LDHAL6A: variants seen among roughly 807,000 people sequenced by gnomAD.
LDHAL6A encodes L-lactate dehydrogenase A-like 6A.
Under a neutral mutation model 28.2 loss-of-function variants are expected in LDHAL6A, and 19 were observed. That is an observed-to-expected ratio of 0.67 (90% CI 0.47 to 0.99). The LOEUF (loss-of-function observed/expected upper bound fraction) is 0.99. LDHAL6A is among the 50% of genes least tolerant of loss of function. The pLI, the probability that LDHAL6A is intolerant of heterozygous loss-of-function variation, is 0.00. For synonymous variants in LDHAL6A, 144 were observed against 134.4 expected (o/e 1.07, Z -0.49); for missense variants, 372 against 398.6 (o/e 0.93, Z 0.57).
intron 4 of LDHAL6A, 126 bp from the exon 5 acceptor site, chr11:18,476,258 G>A: frequency 9.9e-7 from 1 of 1,012,446 alleles, no homozygotes. Flanking sequence ...CTGGAGTGGG[G>A]CTCAGATATC....
chr11:18,470,967 G>T (rs765780837), intron 3 of LDHAL6A, among the ~76,000 whole-genome samples: 2 of 152,116 alleles, frequency 1.3e-5, no homozygotes, highest in Non-Finnish European at 2.9e-5. Context: ...GATTACAGGC[G>T]TGAGCCACAG....
In LDHAL6A at chr11:18,479,023, CT is replaced by C. The variant is rs1298505715; in HGVS notation, c.*159del. 1.0e-5 allele frequency: 6 copies of C among 578,124 alleles called. No homozygotes were observed. In the East Asian group the frequency reaches 2.0e-4, roughly 20 times the overall value. 35.8% of individuals were successfully genotyped at this position (578,124 alleles called of 1,614,324 possible). ...ATAGCCTTCCAGCTTTTTTTTTTTT[CT>C]TTTTTGGGAGGGTCTCATTCTGTCA... On this transcript the variant is annotated 3_prime_UTR_variant, in exon 7 of 7. Transcript: ENST00000280706.
chr11:18,461,298 A>T (rs12799689), intron 1 of LDHAL6A, among the ~76,000 whole-genome samples: 74,459 of 150,710 alleles, frequency 0.49, 20,302 homozygotes, highest in African/African-American at 0.74. Context: ...GTGCATGCCA[A>T]CACGCCCGGC....
At position 18,464,981 on chromosome 11, in the gene LDHAL6A, T is replaced by TG. The variant is rs916179078; in HGVS notation, c.245-656_245-655insG. 6.2e-4 allele frequency among the ~76,000 whole-genome samples: 78 copies of TG among 125,568 alleles called. 6 individuals are homozygous for TG. Among genetic ancestry groups the TG allele is most frequent in the Admixed American group, 1.6e-3 (21 of 13,182 alleles). The allele number at this position is 125,568 out of a possible 152,430, so 82.4% of individuals were successfully genotyped here. A position where few individuals can be genotyped will look rare whatever the true frequency, so the allele number is the denominator to read the frequency against. On this transcript the variant is annotated intron_variant, in intron 2 of 6. Coordinates refer to ENST00000280706, the MANE Select transcript of LDHAL6A (RefSeq NM_144972.5). ...AGGAGGTGAGGTGTTTTTTTTGTTT[T>TG]TTTTTGTTTTGTTTTGTTTTGGTTT... is the stretch of plus-strand genomic sequence containing the variant.
At chr11:18,461,248 G>A (rs1848893305) in intron 1 of LDHAL6A, among the ~76,000 whole-genome samples, 2 of 151,844 alleles carry the variant, frequency 1.3e-5, no homozygotes, top group Non-Finnish European at 2.9e-5. Flanking sequence ...GGGTTCAAGC[G>A]ATTCATCTGC....
Position 18,465,695 on chromosome 11 carries a change from A to T in LDHAL6A, c.303A>T (p.Lys101Asn), listed in dbSNP as rs757137093. ...TTATCACAGCAGGTGCACGCCAGAA[A>T]AAAGGAGAAACACGCCTTGATTTAG... ...LVIITAGARQ[K>N]KGETRLDLVQ... Residue 101 changes from lysine (K) to asparagine (N), a missense_variant, in exon 3 of 7, where the codon AAA becomes AAT. Around this residue, in one of 3 missense-constraint regions of LDHAL6A, gnomAD observed 291 missense variants for 302.9 expected, o/e 0.96. Coordinates refer to ENST00000280706, the MANE Select transcript of LDHAL6A (RefSeq NM_144972.5). 9.3e-6 allele frequency: 15 copies of T among 1,614,124 alleles called. No homozygotes were observed. The highest frequency in any genetic ancestry group is 1.3e-5 in the Non-Finnish European group (15 of 1,179,954).
At position 18,456,774 on chromosome 11, in the gene LDHAL6A, G is replaced by T; in HGVS notation, c.94G>T (p.Gly32Cys). The T allele has an allele frequency of 6.2e-7, 1 of 1,613,760 alleles. No homozygotes were observed. The highest frequency in any genetic ancestry group is 8.5e-7 in the Non-Finnish European group (1 of 1,179,916). Residue 32 changes from glycine (G) to cysteine (C), a missense_variant, in exon 1 of 7, where the codon GGT becomes TGT. Physicochemically the swap from Gly to Cys is radical, Grantham distance 159. Coordinates refer to ENST00000280706, the MANE Select transcript of LDHAL6A (RefSeq NM_144972.5). ...KISIVGTGSV[G>C]VACAISILLK... ...CTCCATTGTAGGAACTGGATCGGTT[G>T]GTGTGGCTTGTGCTATCAGCATCTT...
Position 18,477,691 on chromosome 11 carries a change from A to G in LDHAL6A, c.782A>G (p.Glu261Gly), listed in dbSNP as rs946406819. 1.9e-6 allele frequency: 3 copies of G among 1,613,390 alleles called. No homozygotes were observed. The highest frequency in any genetic ancestry group is 2.5e-6 in the Non-Finnish European group (3 of 1,179,750). The change falls in exon 6 of 7, where the codon GAA becomes GGA. Residue 261 changes from glutamate (E) to glycine (G), a missense_variant. Physicochemically the swap from Glu to Gly is moderately conservative, Grantham distance 98. Transcript: ENST00000280706. ...GISLSVADLT[E>G]SILKNLRRVH... is the part of the protein sequence containing the mutation. ...AGCCTATCTGTAGCTGATTTAACAG[A>G]AAGTATTTTGAAGAATCTTAGGAGA...
chr11:18,455,992 C>G lies in LDHAL6A; in HGVS notation c.-689C>G, dbSNP rs938090526. On this transcript the variant is annotated 5_prime_UTR_variant, in exon 1 of 7. Transcript: ENST00000280706. ...GCGCAGCTGCAGTAAGGGGGCGACC[C>G]GGCGTCTGTTAGTCGGCGGTTCATC... 3.9e-5 allele frequency: 6 copies of G among 152,520 alleles called. No homozygotes were observed. The highest frequency in any genetic ancestry group is 8.8e-5 in the Non-Finnish European group (6 of 68,262). The allele number at this position is 152,520 out of a possible 1,614,324, so 9.4% of individuals were successfully genotyped here. A position where few individuals can be genotyped will look rare whatever the true frequency, so the allele number is the denominator to read the frequency against.
At chr11:18,460,078 T>C (rs1848859246) in intron 1 of LDHAL6A, among the ~76,000 whole-genome samples, 1 of 152,216 alleles carries the variant, frequency 6.6e-6, no homozygotes, top group Admixed American at 6.5e-5. Context: ...TGATCAGTTG[T>C]ACAGTCTAGT....
intron 1 of LDHAL6A, among the ~76,000 whole-genome samples, chr11:18,457,894 A>G (rs1311131335): frequency 6.6e-6 from 1 of 152,182 alleles, no homozygotes; most frequent in African/African-American, 2.4e-5. Context: ...ATTATCCAAT[A>G]TTACAACCCT....
intron 3 of LDHAL6A, chr11:18,468,273 T>C (rs1473581401): frequency 6.6e-6 from 1 of 151,364 alleles, no homozygotes; most frequent in Non-Finnish European, 1.5e-5. Flanking sequence ...TATGATGTGT[T>C]GAAGTGTGAA....
intron 5 of LDHAL6A, 97 bp from the exon 6 acceptor site, chr11:18,477,523 A>G: frequency 2.1e-6 from 2 of 943,044 alleles, no homozygotes; most frequent in South Asian, 1.9e-5. Flanking sequence ...TGATGGAGTC[A>G]CTGCAGTTTT....
At chr11:18,478,656 A>G in intron 6 of LDHAL6A, 50 bp from the exon 7 acceptor site, 1 of 1,425,592 alleles carries the variant, frequency 7.0e-7, no homozygotes, top group Non-Finnish European at 9.8e-7. Context: ...TGTTTCTCAT[A>G]TTGCAGAACT....
At chr11:18,470,153 G>T (rs1849223349) in intron 3 of LDHAL6A, among the ~76,000 whole-genome samples, 2 of 152,166 alleles carry the variant, frequency 1.3e-5, no homozygotes, top group South Asian at 4.1e-4. Context: ...TTGAACTCCT[G>T]GCATCAAATG....
intron 1 of LDHAL6A, among the ~76,000 whole-genome samples, chr11:18,460,924 G>A (rs1848885486): frequency 6.6e-6 from 1 of 151,950 alleles, no homozygotes; most frequent in Admixed American, 6.6e-5. Context: ...AGCAACCTCC[G>A]CCTCCCGGGT....
At chr11:18,473,585 C>T (rs990616683) in intron 3 of LDHAL6A, among the ~76,000 whole-genome samples, 6 of 152,106 alleles carry the variant, frequency 3.9e-5, no homozygotes, top group African/African-American at 1.4e-4. Flanking sequence ...TTTGTAGAGA[C>T]GCGGTCTTGT....
chr11:18,456,793 G>T lies in LDHAL6A; in HGVS notation c.113G>T (p.Ser38Ile). ...TCGGTTGGTGTGGCTTGTGCTATCA[G>T]CATCTTATTAAAAGTAAGTTGTGTG... ...TGSVGVACAI[S>I]ILLKGLSDEL... The change falls in exon 1 of 7, where the codon AGC becomes ATC. Residue 38 changes from serine (S) to isoleucine (I), a missense_variant. Ser to Ile is a moderately radical substitution (Grantham distance 142). Transcript: ENST00000280706. 5 of 1,612,278 alleles carry T rather than the reference G, an allele frequency of 3.1e-6. No individual in the cohort carries two copies. Among genetic ancestry groups the T allele is most frequent in the Non-Finnish European group, 4.2e-6 (5 of 1,179,600 alleles).
In LDHAL6A at chr11:18,466,935, A is replaced by T. The variant is rs181615166; in HGVS notation, c.418+1125A>T. On this transcript the variant is annotated intron_variant, in intron 3 of 6. Transcript: ENST00000280706. ...AAGGGAGGAATAAAAAATAACTTCG[A>T]GAGTTTTTCCTTTGAGTAACTGAAG... Among the ~76,000 whole-genome samples the T allele has an allele frequency of 9.6e-4, 146 of 152,320 alleles. 1 individual carries two copies. Among genetic ancestry groups the T allele is most frequent in the Middle Eastern group, 6.8e-3 (2 of 294 alleles).
Sources: gnomAD v4.1 joint callset for allele counts (sites outside exome capture counted in the v4.1 genomes callset) on GRCh38, gnomAD v4.1.1 for gene constraint, gnomAD v4.1.1 regional missense constraint, MANE v1.5 for transcripts, NCBI Gene and HGNC (gene_info 2026-07-23, HGNC 2026-07-21) for gene names.